The following OSBPL6 variants were observed in gnomAD, a reference collection of about 807,000 sequenced individuals.
The protein encoded by OSBPL6 is oxysterol-binding protein-related protein 6.
A neutral mutation model predicts 125.8 loss-of-function variants in OSBPL6; 49 were observed. That is an observed-to-expected ratio of 0.39 (90% CI 0.31 to 0.49). The LOEUF is 0.49. OSBPL6 is among the 20% of genes least tolerant of loss of function. The pLI is 0.88. For synonymous variants in OSBPL6, 394 were observed against 391.8 expected (o/e 1.01, Z -0.07); for missense variants, 986 against 1,135.4 (o/e 0.87, Z 1.89).
At chr2:178,243,943 G>T (rs1012162396) in intron 1 of OSBPL6, among the ~76,000 whole-genome samples, 1 of 152,148 alleles carries the variant, frequency 6.6e-6, no homozygotes, top group Non-Finnish European at 1.5e-5. Context: ...GAGCCAACAC[G>T]CCTGGCCCAT....
chr2:178,216,458 G>A (rs1295502072), intron 1 of OSBPL6, among the ~76,000 whole-genome samples: 1 of 152,194 alleles, frequency 6.6e-6, no homozygotes, highest in Non-Finnish European at 1.5e-5. Flanking sequence ...ACATGAAATA[G>A]GATTCAATGA....
chr2:178,330,317 T>G (rs1689088810), intron 5 of OSBPL6, among the ~76,000 whole-genome samples: 1 of 152,252 alleles, frequency 6.6e-6, no homozygotes, highest in South Asian at 2.1e-4. Context: ...TGGCTGTGGT[T>G]TGGCAGCAAC....
intron 1 of OSBPL6, among the ~76,000 whole-genome samples, chr2:178,239,558 C>T (rs947354442): frequency 1.3e-4 from 20 of 151,718 alleles, no homozygotes; most frequent in African/African-American, 4.8e-4. Flanking sequence ...AGTGAGACCC[C>T]TGTTCTAAGA....
intron 1 of OSBPL6, among the ~76,000 whole-genome samples, chr2:178,275,854 A>G (rs1222570309): frequency 1.3e-5 from 2 of 152,186 alleles, no homozygotes; most frequent in Non-Finnish European, 2.9e-5. Flanking sequence ...AACACTTTAC[A>G]TGCATTAATT....
intron 1 of OSBPL6, among the ~76,000 whole-genome samples, chr2:178,199,343 C>T (rs2089104797): frequency 6.6e-6 from 1 of 152,150 alleles, no homozygotes; most frequent in Non-Finnish European, 1.5e-5. Context: ...CCTTAAACCC[C>T]TACCATTACT....
intron 1 of OSBPL6, among the ~76,000 whole-genome samples, chr2:178,248,507 C>T (rs2091573347): frequency 6.6e-6 from 1 of 151,860 alleles, no homozygotes; most frequent in African/African-American, 2.4e-5. Flanking sequence ...CAATTTGTAA[C>T]CCTGATGTTA....
intron 20 of OSBPL6, among the ~76,000 whole-genome samples, chr2:178,388,023 G>A (rs1037411814): frequency 3.3e-5 from 5 of 150,820 alleles, no homozygotes; most frequent in African/African-American, 1.2e-4. Flanking sequence ...AAAAAAAAAT[G>A]TATAAGGAAG....
At chr2:178,276,911 G>A (rs1007243391) in intron 1 of OSBPL6, among the ~76,000 whole-genome samples, 1 of 152,060 alleles carries the variant, frequency 6.6e-6, no homozygotes, top group African/African-American at 2.4e-5. Context: ...CTGCTAGGCA[G>A]GAGTCAGCAA....
intron 1 of OSBPL6, among the ~76,000 whole-genome samples, chr2:178,234,775 T>C (rs773297403): frequency 1.4e-4 from 22 of 152,234 alleles, no homozygotes; most frequent in Non-Finnish European, 2.8e-4. Flanking sequence ...TACCTGCTTT[T>C]GGAATCATTT....
chr2:178,363,676 A>G (rs1163636030), intron 13 of OSBPL6, among the ~76,000 whole-genome samples: 2 of 152,214 alleles, frequency 1.3e-5, no homozygotes, highest in Non-Finnish European at 2.9e-5. Context: ...TAAAAGTAAA[A>G]TAAAGCAAAA....
intron 4 of OSBPL6, among the ~76,000 whole-genome samples, chr2:178,325,307 T>G (rs1447550098): frequency 1.3e-5 from 2 of 152,210 alleles, no homozygotes; most frequent in East Asian, 3.8e-4. Flanking sequence ...CTTGCTTTTC[T>G]ATATTAAACA....
At chr2:178,233,235 A>G (rs923432917) in intron 1 of OSBPL6, among the ~76,000 whole-genome samples, 2 of 152,216 alleles carry the variant, frequency 1.3e-5, no homozygotes, top group Admixed American at 6.5e-5. Flanking sequence ...TTCCCCTTTA[A>G]AAAAGAATCC....
chr2:178,237,729 T>C (rs1050254396), intron 1 of OSBPL6, among the ~76,000 whole-genome samples: 2 of 152,166 alleles, frequency 1.3e-5, no homozygotes, highest in Non-Finnish European at 2.9e-5. Context: ...AGTAACACCC[T>C]GGAGTTGTGA....
At chr2:178,376,334 A>G (rs1693872614) in intron 15 of OSBPL6, among the ~76,000 whole-genome samples, 1 of 151,988 alleles carries the variant, frequency 6.6e-6, no homozygotes, top group Non-Finnish European at 1.5e-5. Flanking sequence ...TATTCACACC[A>G]AATGCCTGAA....
At chr2:178,311,683 T>C (rs907664986) in intron 3 of OSBPL6, among the ~76,000 whole-genome samples, 2 of 152,198 alleles carry the variant, frequency 1.3e-5, no homozygotes, top group African/African-American at 4.8e-5. Context: ...GGAATAATCA[T>C]GAGGTCAGGA....
At chr2:178,361,522 C>A (rs1692355368) in intron 12 of OSBPL6, among the ~76,000 whole-genome samples, 160 bp from the exon 13 acceptor site, 1 of 152,102 alleles carries the variant, frequency 6.6e-6, no homozygotes, top group African/African-American at 2.4e-5. Context: ...GTATAGATAT[C>A]CTGATAAAGA....
At chr2:178,373,149 C>T (rs986023822) in intron 14 of OSBPL6, among the ~76,000 whole-genome samples, 33 of 152,192 alleles carry the variant, frequency 2.2e-4, no homozygotes, top group African/African-American at 7.5e-4. Context: ...CTTAAGTTTT[C>T]CACCCTAAAT....
intron 1 of OSBPL6, among the ~76,000 whole-genome samples, chr2:178,278,073 G>A (rs749850600): frequency 2.6e-5 from 4 of 151,980 alleles, no homozygotes; most frequent in South Asian, 2.1e-4. Context: ...ACACTTTCCC[G>A]TCTCTTGATT....
intron 2 of OSBPL6, among the ~76,000 whole-genome samples, chr2:178,305,455 T>A (rs1414146586): frequency 6.6e-6 from 1 of 152,220 alleles, no homozygotes; most frequent in Non-Finnish European, 1.5e-5. Context: ...AATCTGTAGA[T>A]GTTTGCGAGC....
Sources: allele counts gnomAD v4.1 joint callset (sites outside exome capture counted in the v4.1 genomes callset), GRCh38; gene constraint gnomAD v4.1.1; transcripts MANE v1.5; gene names NCBI Gene and HGNC (gene_info 2026-07-23, HGNC 2026-07-21).